ACSF3: variants seen among roughly 807,000 people sequenced by gnomAD.
ACSF3 encodes malonate--CoA ligase ACSF3, mitochondrial.
A neutral mutation model predicts 53.2 loss-of-function variants in ACSF3; 78 were observed. The observed-to-expected ratio is 1.47, with a 90% CI of 1.22 to 1.77. The LOEUF is 1.77. ACSF3 is among the 40% of genes most tolerant of loss of function. The pLI is 0.00. For synonymous variants in ACSF3, 414 were observed against 333.1 expected (o/e 1.24, Z -2.65); for missense variants, 937 against 771.1 (o/e 1.22, Z -2.55).
intron 8 of ACSF3, chr16:89,136,911 T>C: frequency 8.2e-7 from 1 of 1,216,794 alleles, no homozygotes; most frequent in Non-Finnish European, 1.1e-6. Context: ...CACAACGATG[T>C]CTTCAGACGT....
intron 6 of ACSF3, among the ~76,000 whole-genome samples, chr16:89,118,872 C>G (rs1451433063): frequency 6.6e-6 from 1 of 152,218 alleles, no homozygotes; most frequent in Non-Finnish European, 1.5e-5. Context: ...TGCCCCCCAC[C>G]TGCCTGCAGC....
intron 7 of ACSF3, among the ~76,000 whole-genome samples, chr16:89,121,422 C>G (rs1041873906): frequency 6.6e-6 from 1 of 152,224 alleles, no homozygotes. Flanking sequence ...TGCTCTGTGG[C>G]TGCCTCCTTG....
chr16:89,143,061 A>C (rs1912176195), intron 8 of ACSF3, among the ~76,000 whole-genome samples: 1 of 151,968 alleles, frequency 6.6e-6, no homozygotes, highest in African/African-American at 2.4e-5. Flanking sequence ...TTGCTCCATA[A>C]ACCAAAAAGC....
In ACSF3 at chr16:89,156,208, C is replaced by T. The variant is rs1433323674; in HGVS notation, c.*2001C>T. Among the ~76,000 whole-genome samples the T allele has an allele frequency of 6.6e-6, 1 of 152,160 alleles. No homozygotes were observed. Among genetic ancestry groups the T allele is most frequent in the Non-Finnish European group, 1.5e-5 (1 of 68,016 alleles). Reference sequence around the variant, plus strand: ...GAGGGAACTCATCCTCTCCTCCCTCCCCATTAAAGCCCAGTTTATTCCCCA... The same window carrying T: ...GAGGGAACTCATCCTCTCCTCCCTCTCCATTAAAGCCCAGTTTATTCCCCA... On this transcript the variant is annotated 3_prime_UTR_variant, in exon 11 of 11. Transcript: ENST00000614302.
intron 5 of ACSF3, 29 bp from the exon 6 acceptor site, chr16:89,114,310 C>G (rs776416035): frequency 6.2e-7 from 1 of 1,613,554 alleles, no homozygotes; most frequent in Non-Finnish European, 8.5e-7. Flanking sequence ...TCCCAAGGGG[C>G]TAAACCTGCC....
intron 8 of ACSF3, among the ~76,000 whole-genome samples, chr16:89,140,375 C>T (rs189356647): frequency 1.3e-5 from 2 of 152,222 alleles, no homozygotes; most frequent in African/African-American, 4.8e-5. Context: ...TGTACACACA[C>T]ACGGGCACCT....
In ACSF3 at chr16:89,127,611, C is replaced by T. The variant is rs148810405; in HGVS notation, c.1240-5525C>T. ...TGAACTCCTGGCCTCAAGTGATTCTCCCTCCTCGCCTCCCAAAGTGCTAGG... is the reference window on the plus strand; with the variant it reads ...TGAACTCCTGGCCTCAAGTGATTCTTCCTCCTCGCCTCCCAAAGTGCTAGG... On this transcript the variant is annotated intron_variant, in intron 7 of 10. Transcript: ENST00000614302. Among the ~76,000 whole-genome samples, 507 of 152,270 alleles carry T rather than the reference C, an allele frequency of 3.3e-3. 4 individuals are homozygous for T. Among genetic ancestry groups the T allele is most frequent in the South Asian group, 0.02 (98 of 4,828 alleles).
intron 6 of ACSF3, among the ~76,000 whole-genome samples, chr16:89,115,843 T>C (rs977424774): frequency 6.6e-6 from 1 of 152,234 alleles, no homozygotes. Context: ...CGTTTTCAAC[T>C]GGGGCCTTTG....
chr16:89,140,826 A>AG (rs1567738610), intron 8 of ACSF3, among the ~76,000 whole-genome samples: 1 of 152,216 alleles, frequency 6.6e-6, no homozygotes, highest in East Asian at 1.9e-4. Flanking sequence ...TTTCAGTTAC[A>AG]GTGGAAGGCA....
chr16:89,142,732 T>TAGACACACCCACACCTGCAG (rs1360108958), intron 8 of ACSF3, among the ~76,000 whole-genome samples: 2 of 127,670 alleles, frequency 1.6e-5, no homozygotes, highest in African/African-American at 3.1e-5. Context: ...GCCACACCTA[T>TAGACACACCCACACCTGCAG]AGACACACCC....
chr16:89,114,110 C>A (rs1478000120), intron 5 of ACSF3: 2 of 609,914 alleles, frequency 3.3e-6, no homozygotes, highest in South Asian at 3.6e-5. Flanking sequence ...TTCTAAAATA[C>A]ACCCAACAGA....
intron 1 of ACSF3, among the ~76,000 whole-genome samples, chr16:89,097,490 C>T (rs1490548136): frequency 6.6e-6 from 1 of 152,244 alleles, no homozygotes; most frequent in Non-Finnish European, 1.5e-5. Context: ...GGGCCGTAAC[C>T]CAGAGCACCC....
rs549569486 is a variant in ACSF3 at position 89,141,135 on chromosome 16, G to A, written c.1367-4132G>A. 209 of 1,287,192 alleles carry A rather than the reference G, an allele frequency of 1.6e-4. 2 individuals are homozygous for A. In the South Asian group the frequency reaches 2.3e-3, roughly 14 times the overall value. The allele number at this position is 1,287,192 out of a possible 1,614,324, so 79.7% of individuals were successfully genotyped here. On this transcript the variant is annotated intron_variant, in intron 8 of 10. Coordinates refer to ENST00000614302, the MANE Select transcript of ACSF3 (RefSeq NM_001243279.3). ...CCTCGCTGCCGCAGGACCTCCTCCC[G>A]CGGGGTGTCCGACCCGCTCTTGCTT...
At chr16:89,151,091 C>T (rs985786918) in intron 10 of ACSF3, 5 of 1,272,676 alleles carry the variant, frequency 3.9e-6, no homozygotes, top group Non-Finnish European at 5.1e-6. Flanking sequence ...GGAAACGAAA[C>T]CTCGCCTCAG....
In ACSF3 at chr16:89,155,617, C is replaced by G; in HGVS notation, c.*1410C>G. ...CAGTCAGAGGAAGGGGTCCCGCCCTCCCGCCAGAGGCCTGGACCCAAGGGA... is the reference window on the plus strand; with the variant it reads ...CAGTCAGAGGAAGGGGTCCCGCCCTGCCGCCAGAGGCCTGGACCCAAGGGA... On this transcript the variant is annotated 3_prime_UTR_variant, in exon 11 of 11. Coordinates refer to ENST00000614302, the MANE Select transcript of ACSF3 (RefSeq NM_001243279.3). 1 of 454,000 alleles carries G rather than the reference C, an allele frequency of 2.2e-6. No homozygotes were observed. Among genetic ancestry groups the G allele is most frequent in the Non-Finnish European group, 4.4e-6 (1 of 226,698 alleles). The allele number at this position is 454,000 out of a possible 1,614,324, so 28.1% of individuals were successfully genotyped here.
rs866824182 is a variant in ACSF3 at position 89,101,221 on chromosome 16, G to A, written c.540G>A (p.Glu180=). The A allele has an allele frequency of 6.2e-7, 1 of 1,602,748 alleles. No homozygotes were observed. Among genetic ancestry groups the A allele is most frequent in the Middle Eastern group, 1.7e-4 (1 of 6,042 alleles). ...CAGCCATCTACACTGGAGCAGTAGA[G>A]GAACCGGCAGAGGTCCCGGTCCCAG... ...LTPAIYTGAV[E]EPAEVPVPEQ... Residue 180 remains glutamate (E), a synonymous_variant, in exon 3 of 11, where the codon GAG becomes GAA. Coordinates refer to ENST00000614302, the MANE Select transcript of ACSF3 (RefSeq NM_001243279.3).
intron 8 of ACSF3, among the ~76,000 whole-genome samples, chr16:89,138,094 G>A (rs907927121): frequency 1.1e-4 from 17 of 152,136 alleles, no homozygotes; most frequent in South Asian, 2.1e-4. Context: ...CCCAGCCGCC[G>A]GGGATTCCCT....
chr16:89,128,821 GT>G (rs1337756876), intron 7 of ACSF3, among the ~76,000 whole-genome samples: 23 of 152,166 alleles, frequency 1.5e-4, no homozygotes, highest in African/African-American at 5.5e-4. Flanking sequence ...GAATGTTCTG[GT>G]GTACTTGAAA....
At chr16:89,110,794 C>A (rs1391704666) in intron 4 of ACSF3, among the ~76,000 whole-genome samples, 1 of 152,158 alleles carries the variant, frequency 6.6e-6, no homozygotes, top group African/African-American at 2.4e-5. Flanking sequence ...CGAGCCTGGC[C>A]TCTCTCCACC....
Sources: gnomAD v4.1 joint callset for allele counts (sites outside exome capture counted in the v4.1 genomes callset) on GRCh38, gnomAD v4.1.1 for gene constraint, MANE v1.5 for transcripts, NCBI Gene and HGNC (gene_info 2026-07-23, HGNC 2026-07-21) for gene names.